SASH1: variants seen among roughly 807,000 people sequenced by gnomAD.
SASH1 encodes the protein SAM and SH3 domain-containing protein 1.
Under a neutral mutation model 125.2 loss-of-function variants are expected in SASH1, and 44 were observed. The ratio of observed to expected loss-of-function variants is 0.35; its 90% CI spans 0.28 to 0.45. The LOEUF is 0.45. Ranked by LOEUF, SASH1 falls within the 20% of genes least tolerant of loss-of-function variation. SASH1 has a pLI of 1.00. For synonymous variants in SASH1, 639 were observed against 649.1 expected, an observed-to-expected ratio of 0.98 and a Z score of 0.24; for missense variants, 1,426 against 1,614.5, an observed-to-expected ratio of 0.88 and a Z score of 2.00.
intron 4 of SASH1, among the ~76,000 whole-genome samples, chr6:148,455,283 G>C (rs1000948103): frequency 6.6e-6 from 1 of 152,230 alleles, no homozygotes; most frequent in Non-Finnish European, 1.5e-5. Flanking sequence ...TAAGCAGCCA[G>C]CTTGGCTTTA....
rs904188262 is a variant in SASH1 at position 148,529,398 on chromosome 6, AT to A, written c.1428+1810del. Among the ~76,000 whole-genome samples, 1 of 151,912 alleles carries A rather than the reference AT, an allele frequency of 6.6e-6. No individual in the cohort carries two copies. Among genetic ancestry groups the A allele is most frequent in the Non-Finnish European group, 1.5e-5 (1 of 67,982 alleles). On this transcript the variant is annotated intron_variant, in intron 12 of 19. Coordinates refer to ENST00000367467, the MANE Select transcript of SASH1 (RefSeq NM_015278.5). This position sits in a 1 kb window ranked among gnomAD's most constrained non-coding sequence, Gnocchi z 4.2. ...CTGCCTTCAGCATGTCTTATCCATG[AT>A]TTTTTTTCTTTATTCTTTTCATTCT...
In SASH1 at chr6:148,544,322, A is replaced by G. The variant is rs762018536; in HGVS notation, c.2852A>G (p.His951Arg). Residue 951 changes from histidine (H) to arginine (R), a missense_variant, in exon 18 of 20, where the codon CAC (histidine) becomes CGC (arginine). Transcript: ENST00000367467. This position sits in a 1 kb window ranked among gnomAD's most constrained non-coding sequence, Gnocchi z 6.4. ...TTAGCAAGGACGCCTCTGGAGGGCC[A>G]CAGAAAAGGACACGAGTTTGAAGGA... ...HGLARTPLEGHRKGHEFEGTH... is the reference protein window; with the variant it reads ...HGLARTPLEGRRKGHEFEGTH... 9 of 1,614,050 alleles carry G rather than the reference A, an allele frequency of 5.6e-6. No homozygotes were observed. The highest frequency in any genetic ancestry group is 2.2e-5 in the South Asian group (2 of 91,076).
chr6:148,428,682 A>C (rs1190191058), intron 2 of SASH1, among the ~76,000 whole-genome samples: 3 of 151,408 alleles, frequency 2.0e-5, no homozygotes, highest in Non-Finnish European at 4.4e-5. Flanking sequence ...CAATTATTTT[A>C]ACAGAGAGCA....
chr6:148,387,117 C>CT lies in SASH1; in HGVS notation c.157-3000dup, dbSNP rs34236225. Among the ~76,000 whole-genome samples the CT allele has an allele frequency of 3.6e-3, 389 of 108,962 alleles. 3 individuals are homozygous for CT. Among genetic ancestry groups the CT allele is most frequent in the Middle Eastern group, 0.01 (2 of 194 alleles). The allele number at this position is 108,962 out of a possible 152,430, so 71.5% of individuals were successfully genotyped here. A position where few individuals can be genotyped will look rare whatever the true frequency, so the allele number is the denominator to read the frequency against. On this transcript the variant is annotated intron_variant, in intron 1 of 19. Transcript: ENST00000367467. Reference sequence around the variant, plus strand: ...TCTCTCTCCTTCCTTTCTTTCTTTTCTTTTTTTTTTTTTTTTTGAGGTGTA... The same window carrying CT: ...TCTCTCTCCTTCCTTTCTTTCTTTTCTTTTTTTTTTTTTTTTTTGAGGTGTA...
intron 1 of SASH1, among the ~76,000 whole-genome samples, chr6:148,310,660 T>C (rs1477427824): frequency 1.3e-5 from 2 of 152,224 alleles, no homozygotes; most frequent in Admixed American, 6.5e-5. Context: ...CCAGAATATA[T>C]ATTCAGTTAT....
At chr6:148,203,087 C>T in the SASH1 span, among the ~76,000 whole-genome samples, 8,453 of 152,282 alleles carry the variant, frequency 0.056, 290 homozygotes, top group Middle Eastern at 0.1. Context: ...ACTATATTGA[C>T]TTGACTGTGA....
intron 2 of SASH1, among the ~76,000 whole-genome samples, chr6:148,438,358 A>C (rs190067602): frequency 1.1e-4 from 16 of 152,338 alleles, no homozygotes; most frequent in African/African-American, 3.6e-4. Flanking sequence ...AAATGTCCAA[A>C]AGTATATATC....
chr6:148,203,416 A>T, the SASH1 span, among the ~76,000 whole-genome samples: 2 of 151,858 alleles, frequency 1.3e-5, no homozygotes, highest in Non-Finnish European at 2.9e-5. Context: ...CCTTTATCAC[A>T]TTAAATGCAG....
intron 4 of SASH1, among the ~76,000 whole-genome samples, chr6:148,449,757 C>T (rs1406385612): frequency 1.3e-5 from 2 of 152,306 alleles, no homozygotes; most frequent in East Asian, 3.9e-4. Flanking sequence ...AGTTCAAGAG[C>T]ATGGCCCTGG....
At chr6:148,309,739 A>G (rs1780250250) in intron 1 of SASH1, among the ~76,000 whole-genome samples, 2 of 152,056 alleles carry the variant, frequency 1.3e-5, no homozygotes, top group Non-Finnish European at 1.5e-5. Flanking sequence ...TCAATTGTAA[A>G]CATTTGACAG....
the SASH1 span, among the ~76,000 whole-genome samples, chr6:148,226,810 A>G: frequency 6.6e-6 from 1 of 152,118 alleles, no homozygotes; most frequent in Non-Finnish European, 1.5e-5. Flanking sequence ...GGAGCCAGGC[A>G]ACCTCTCCGG....
chr6:148,399,967 T>G (rs1332296279), intron 2 of SASH1, among the ~76,000 whole-genome samples: 1 of 152,236 alleles, frequency 6.6e-6, no homozygotes, highest in African/African-American at 2.4e-5. Flanking sequence ...ATATACATTT[T>G]TAACATGGAA....
At chr6:148,383,699 A>C (rs1481877592) in intron 1 of SASH1, among the ~76,000 whole-genome samples, 1 of 152,208 alleles carries the variant, frequency 6.6e-6, no homozygotes, top group Non-Finnish European at 1.5e-5. Flanking sequence ...CTGGGGAAAG[A>C]AGCGCAGAAA....
chr6:148,439,044 TTAA>T (rs1287347333), intron 2 of SASH1, among the ~76,000 whole-genome samples: 1 of 152,220 alleles, frequency 6.6e-6, no homozygotes, highest in African/African-American at 2.4e-5. Context: ...TATAATTGTG[TTAA>T]TGATGAAAAG....
At chr6:148,380,526 A>G (rs1022897062) in intron 1 of SASH1, among the ~76,000 whole-genome samples, 21 of 152,174 alleles carry the variant, frequency 1.4e-4, no homozygotes, top group African/African-American at 5.1e-4. Flanking sequence ...TTCCCACCCA[A>G]TTATCTGTGC....
rs149508887 is a variant in SASH1 at position 148,416,070 on chromosome 6, G to C, written c.286-24114G>C. On this transcript the variant is annotated intron_variant, in intron 2 of 19. Coordinates refer to ENST00000367467, the MANE Select transcript of SASH1 (RefSeq NM_015278.5). ...GTCTGTCCAGGGCTTTAGAAAAGCT[G>C]GCCTTTGTCTTAGCAGGTTACAGGC... is the stretch of plus-strand genomic sequence containing the variant. Among the ~76,000 whole-genome samples the C allele has an allele frequency of 1.7e-3, 264 of 152,314 alleles. 1 individual carries two copies. Among genetic ancestry groups the C allele is most frequent in the African/African-American group, 6.2e-3 (256 of 41,574 alleles).
chr6:148,265,315 A>T, the SASH1 span, among the ~76,000 whole-genome samples: 1 of 150,548 alleles, frequency 6.6e-6, no homozygotes, highest in Non-Finnish European at 1.5e-5. Flanking sequence ...GCCAAGAAAG[A>T]AAAAGGAGGG....
At chr6:148,453,372 G>C (rs1029139353) in intron 4 of SASH1, among the ~76,000 whole-genome samples, 1 of 152,198 alleles carries the variant, frequency 6.6e-6, no homozygotes, top group Admixed American at 6.5e-5. Flanking sequence ...CTTGCAGGAA[G>C]ATGTGGAGAC....
chr6:148,298,351 TAG>T (rs1779818484), intron 1 of SASH1, among the ~76,000 whole-genome samples: 2 of 151,992 alleles, frequency 1.3e-5, no homozygotes, highest in Non-Finnish European at 2.9e-5. Flanking sequence ...TCACTTTAAT[TAG>T]GTGCAGTAGC....
Sources: allele counts gnomAD v4.1 joint callset (sites outside exome capture counted in the v4.1 genomes callset), GRCh38; gene constraint gnomAD v4.1.1; non-coding constraint Gnocchi (gnomAD v3.1); transcripts MANE v1.5; gene names NCBI Gene and HGNC (gene_info 2026-07-23, HGNC 2026-07-21).